GABRA3: variants seen among roughly 807,000 people sequenced by gnomAD.
GABRA3 encodes the protein gamma-aminobutyric acid receptor subunit alpha-3.
GABRA3 carries 10 observed loss-of-function variants against 30.1 expected under a neutral mutation model. The observed-to-expected ratio is 0.33, with a 90% CI of 0.20 to 0.56. GABRA3 has a LOEUF of 0.56. Among genes scored for constraint, GABRA3 ranks in the 20% least tolerant of loss-of-function variants. GABRA3 has a pLI of 0.89. For missense variants in GABRA3, 233 were observed against 392.0 expected (o/e 0.59, Z 3.42); for synonymous variants, 151 against 146.8 (o/e 1.03, Z -0.21).
chrX:152,267,886 CTCTT>C (rs1350155694), intron 4 of GABRA3, among the ~76,000 whole-genome samples: 1 of 110,355 alleles, frequency 9.1e-6, no homozygotes, highest in East Asian at 2.8e-4. Flanking sequence ...TGGGTCTTCT[CTCTT>C]TCTCTTAGTG....
At chrX:152,206,077 G>A (rs1298077887) in intron 7 of GABRA3, among the ~76,000 whole-genome samples, 1 of 112,888 alleles carries the variant, frequency 8.9e-6, no homozygotes, top group Non-Finnish European at 1.9e-5. Flanking sequence ...GCCAAGGATT[G>A]GTCTCAAGAG....
chrX:152,397,926 T>C (rs1929703050), intron 1 of GABRA3, among the ~76,000 whole-genome samples: 1 of 111,830 alleles, frequency 8.9e-6, no homozygotes, highest in South Asian at 3.8e-4. Context: ...ACTATTACTC[T>C]GTCATCAAGT....
intron 1 of GABRA3, among the ~76,000 whole-genome samples, chrX:152,412,495 G>A (rs770311535): frequency 9.0e-6 from 1 of 111,726 alleles, no homozygotes; most frequent in African/African-American, 3.2e-5. Context: ...ATATAATGTG[G>A]CAACTATAAA....
chrX:152,422,041 C>A (rs1930385322), intron 1 of GABRA3, among the ~76,000 whole-genome samples: 1 of 111,066 alleles, frequency 9.0e-6, no homozygotes, highest in Non-Finnish European at 1.9e-5. Context: ...AAATTCTCAT[C>A]TTAGTTATAC....
At chrX:152,227,298 C>T (rs1284965601) in intron 5 of GABRA3, among the ~76,000 whole-genome samples, 20 of 97,814 alleles carry the variant, frequency 2.0e-4, no homozygotes, top group African/African-American at 5.7e-4. Flanking sequence ...AACCAAACAC[C>T]GCATGTTCTC....
chrX:152,409,405 A>G (rs1930014210), intron 1 of GABRA3, among the ~76,000 whole-genome samples: 1 of 111,455 alleles, frequency 9.0e-6, no homozygotes, highest in African/African-American at 3.3e-5. Context: ...CTAAGATATG[A>G]AACTATAAAA....
At chrX:152,229,928 G>T (rs1265726477) in intron 5 of GABRA3, among the ~76,000 whole-genome samples, 1 of 107,039 alleles carries the variant, frequency 9.3e-6, no homozygotes, top group African/African-American at 3.5e-5. Flanking sequence ...TCTAGGAATA[G>T]AAGGCAACTT....
intron 3 of GABRA3, among the ~76,000 whole-genome samples, chrX:152,330,397 T>C (rs1197075924): frequency 1.8e-5 from 2 of 111,921 alleles, no homozygotes; most frequent in African/African-American, 3.2e-5. Context: ...GACACATGCA[T>C]ACATATGTTT....
intron 1 of GABRA3, among the ~76,000 whole-genome samples, chrX:152,385,652 C>T (rs1432954062): frequency 3.6e-5 from 4 of 111,765 alleles, no homozygotes; most frequent in African/African-American, 1.3e-4. Context: ...GTGTTTTAGA[C>T]ATGAAGTCCT....
At chrX:152,298,910 C>A (rs1460211437) in intron 3 of GABRA3, among the ~76,000 whole-genome samples, 1 of 111,533 alleles carries the variant, frequency 9.0e-6, no homozygotes, top group East Asian at 2.8e-4. Context: ...TTTTAATGAT[C>A]GCCATTCTAA....
intron 5 of GABRA3, among the ~76,000 whole-genome samples, chrX:152,242,326 G>A (rs920083157): frequency 2.7e-5 from 3 of 111,083 alleles, no homozygotes; most frequent in African/African-American, 9.8e-5. Context: ...AAAACAGAGA[G>A]AGAAAGCTCA....
At chrX:152,245,590 C>T (rs1321409052) in intron 5 of GABRA3, among the ~76,000 whole-genome samples, 1 of 111,778 alleles carries the variant, frequency 8.9e-6, no homozygotes, top group African/African-American at 3.3e-5. Context: ...TAGCTCCAAC[C>T]TCATTTCCAT....
chrX:152,316,140 G>A, intron 3 of GABRA3, among the ~76,000 whole-genome samples: 2 of 110,021 alleles, frequency 1.8e-5, no homozygotes, highest in South Asian at 8.0e-4. Context: ...CTCCACTGGA[G>A]CAGGTGCAGG....
chrX:152,247,181 C>T (rs1938473616), intron 5 of GABRA3, among the ~76,000 whole-genome samples: 1 of 111,941 alleles, frequency 8.9e-6, no homozygotes, highest in African/African-American at 3.2e-5. Flanking sequence ...GCAACCCTCA[C>T]TCAATTGGTT....
chrX:152,303,413 C>G (rs940404828), intron 3 of GABRA3, among the ~76,000 whole-genome samples: 1 of 111,236 alleles, frequency 9.0e-6, no homozygotes, highest in Non-Finnish European at 1.9e-5. Flanking sequence ...GGTGATTCCT[C>G]AAGGATCTAG....
intron 2 of GABRA3, among the ~76,000 whole-genome samples, chrX:152,360,697 TA>T (rs1376628186): frequency 0.064 from 1,123 of 17,646 alleles, 10 homozygotes; most frequent in African/African-American, 0.12. Flanking sequence ...TAGAGTATAA[TA>T]AAAAAAAAAA....
intron 1 of GABRA3, among the ~76,000 whole-genome samples, chrX:152,430,999 A>C (rs754367189): frequency 3.6e-5 from 4 of 111,911 alleles, no homozygotes; most frequent in Non-Finnish European, 7.5e-5. Flanking sequence ...GCTTTTTTTG[A>C]AAGTCAACTG....
At chrX:152,430,392 T>C (rs1241042998) in intron 1 of GABRA3, among the ~76,000 whole-genome samples, 1 of 111,093 alleles carries the variant, frequency 9.0e-6, no homozygotes, top group Admixed American at 9.6e-5. Flanking sequence ...CAAAGCTAGA[T>C]CACTGCAGGA....
At chrX:152,407,170 A>C (rs1192281009) in intron 1 of GABRA3, among the ~76,000 whole-genome samples, 1 of 111,726 alleles carries the variant, frequency 9.0e-6, no homozygotes, top group Non-Finnish European at 1.9e-5. Context: ...TTCATCTTAA[A>C]AACTAGAAAA....
Sources: gnomAD v4.1 joint callset for allele counts (sites outside exome capture counted in the v4.1 genomes callset) on GRCh38, gnomAD v4.1.1 for gene constraint, MANE v1.5 for transcripts, NCBI Gene and HGNC (gene_info 2026-07-23, HGNC 2026-07-21) for gene names.